The following TCERG1L variants were observed in gnomAD, a reference collection of about 807,000 sequenced individuals.
The protein encoded by TCERG1L is transcription elongation regulator 1 like.
Under a neutral mutation model 56.3 loss-of-function variants are expected in TCERG1L, and 37 were observed. The ratio of observed to expected loss-of-function variants is 0.66; its 90% CI spans 0.51 to 0.87. The LOEUF is 0.87. Ranked by LOEUF, TCERG1L falls within the 40% of genes least tolerant of loss-of-function variation. The probability of loss-of-function intolerance (pLI) is 0.00; values close to 1 mark genes in which losing one functional copy is unlikely to be tolerated. For synonymous variants in TCERG1L, 324 were observed against 326.3 expected (o/e 0.99, Z 0.08); for missense variants, 799 against 774.2 (o/e 1.03, Z -0.38).
At chr10:131,232,132 C>T (rs944497562) in intron 4 of TCERG1L, among the ~76,000 whole-genome samples, 5 of 152,362 alleles carry the variant, frequency 3.3e-5, no homozygotes, top group South Asian at 2.1e-4. Context: ...TTAGCCAAGG[C>T]GATTCACTGG....
intron 3 of TCERG1L, among the ~76,000 whole-genome samples, chr10:131,305,047 C>A (rs1846805665): frequency 6.6e-6 from 1 of 152,146 alleles, no homozygotes; most frequent in Non-Finnish European, 1.5e-5. Flanking sequence ...ATTTGGAATT[C>A]ATTCGACTCT....
chr10:131,104,786 G>GT, intron 9 of TCERG1L, among the ~76,000 whole-genome samples: 1 of 152,244 alleles, frequency 6.6e-6, no homozygotes, highest in East Asian at 1.9e-4. Flanking sequence ...CTTTTAGGTA[G>GT]GTCATTTTAA....
chr10:131,200,496 C>T (rs903757361), intron 4 of TCERG1L, among the ~76,000 whole-genome samples: 5 of 152,318 alleles, frequency 3.3e-5, no homozygotes, highest in African/African-American at 1.2e-4. Flanking sequence ...CTACTCTTTC[C>T]TTCTTGCCTA....
In TCERG1L at chr10:131,117,734, G is replaced by A. The variant is rs531391571; in HGVS notation, c.1260-800C>T. Among the ~76,000 whole-genome samples, 16 of 152,316 alleles carry A rather than the reference G, an allele frequency of 1.1e-4. No individual in the cohort carries two copies. The East Asian group carries it at 1.2e-3, about 11-fold the overall frequency. On this transcript the variant is annotated intron_variant, in intron 8 of 11. Transcript: ENST00000368642. Reference sequence around the variant, plus strand: ...CAGGGAGGCTGGACCCTACTCCTACGGAAGAAATGCTAGAGGCCTGCCTTT... The same window carrying A: ...CAGGGAGGCTGGACCCTACTCCTACAGAAGAAATGCTAGAGGCCTGCCTTT...
chr10:131,259,776 G>A (rs1846213944), intron 4 of TCERG1L, among the ~76,000 whole-genome samples: 1 of 152,226 alleles, frequency 6.6e-6, no homozygotes, highest in African/African-American at 2.4e-5. Flanking sequence ...CACAGTGGGT[G>A]GGACCCCAGC....
intron 3 of TCERG1L, among the ~76,000 whole-genome samples, chr10:131,293,407 A>G (rs372128597): frequency 3.3e-5 from 5 of 152,238 alleles, no homozygotes; most frequent in African/African-American, 1.2e-4. Flanking sequence ...AAAACCGCCT[A>G]AATCCAAAGG....
chr10:131,093,112 C>G lies in TCERG1L; in HGVS notation c.*50G>C, dbSNP rs758420083. Reference sequence around the variant, plus strand: ...CCGTCTCCACCGTGACCCCCTCGCCCCCGGCACGCCCAGGGTCAACCCCCG... The same window carrying G: ...CCGTCTCCACCGTGACCCCCTCGCCGCCGGCACGCCCAGGGTCAACCCCCG... On this transcript the variant is annotated 3_prime_UTR_variant, in exon 12 of 12. Coordinates refer to ENST00000368642, the MANE Select transcript of TCERG1L (RefSeq NM_174937.4). The G allele has an allele frequency of 7.5e-6, 12 of 1,589,796 alleles. No individual in the cohort carries two copies. The highest frequency in any genetic ancestry group is 9.4e-6 in the Non-Finnish European group (11 of 1,167,808).
At chr10:131,183,080 C>A (rs56037719) in intron 4 of TCERG1L, among the ~76,000 whole-genome samples, 1 of 152,154 alleles carries the variant, frequency 6.6e-6, no homozygotes, top group African/African-American at 2.4e-5. Flanking sequence ...AGAATAATTC[C>A]TCTGCCAAGG....
At chr10:131,121,939 A>T (rs1845518750) in intron 8 of TCERG1L, among the ~76,000 whole-genome samples, 1 of 152,172 alleles carries the variant, frequency 6.6e-6, no homozygotes. Flanking sequence ...GTCCCCGCTG[A>T]CAGACAGTCT....
In TCERG1L at chr10:131,260,477, G is replaced by A. The variant is rs772207033; in HGVS notation, c.671-33C>T. The A allele has an allele frequency of 2.7e-5, 37 of 1,366,396 alleles. No homozygotes were observed. The highest frequency in any genetic ancestry group is 3.2e-5 in the Non-Finnish European group (34 of 1,056,120). The allele number at this position is 1,366,396 out of a possible 1,614,324, so 84.6% of individuals were successfully genotyped here. Reference sequence around the variant, plus strand: ...AGAGGGATGCAGAGGGTCAGCAAGGGGACGACCAGGGCCATGGGTGACAGA... The same window carrying A: ...AGAGGGATGCAGAGGGTCAGCAAGGAGACGACCAGGGCCATGGGTGACAGA... On this transcript the variant is annotated intron_variant, in intron 3 of 11. Transcript: ENST00000368642. The surrounding 1 kb of genome is among the most constrained non-coding windows in gnomAD (Gnocchi z 5.8).
At chr10:131,098,793 T>C (rs1205348505) in intron 10 of TCERG1L, among the ~76,000 whole-genome samples, 1 of 152,204 alleles carries the variant, frequency 6.6e-6, no homozygotes, top group Non-Finnish European at 1.5e-5. Context: ...CACTGTGCCC[T>C]CTGAGCAGCA....
chr10:131,214,761 G>A (rs78637087), intron 4 of TCERG1L, among the ~76,000 whole-genome samples: 2,446 of 152,310 alleles, frequency 0.016, 66 homozygotes, highest in African/African-American at 0.055. Context: ...CTCCACAGAC[G>A]CCCAGCTGGG....
intron 4 of TCERG1L, among the ~76,000 whole-genome samples, chr10:131,185,977 G>C (rs1364484105): frequency 6.6e-6 from 1 of 152,226 alleles, no homozygotes; most frequent in Admixed American, 6.5e-5. Context: ...CAATGGATGG[G>C]TGAATAAGCA....
intron 3 of TCERG1L, among the ~76,000 whole-genome samples, chr10:131,290,539 G>A (rs766109373): frequency 3.5e-4 from 53 of 150,748 alleles, no homozygotes; most frequent in Non-Finnish European, 6.2e-4. Flanking sequence ...GCTGAGACAG[G>A]AGAATTGCTT....
At chr10:131,202,333 A>G (rs1443624796) in intron 4 of TCERG1L, among the ~76,000 whole-genome samples, 2 of 152,148 alleles carry the variant, frequency 1.3e-5, no homozygotes, top group Non-Finnish European at 2.9e-5. Flanking sequence ...TGTAATCCCA[A>G]CACTTTGGGA....
rs750559531 is a variant in TCERG1L at position 131,111,105 on chromosome 10, C to G, written c.1395+5694G>C. ...GAGTCCTGAACTGGAGGATAAAGCC[C>G]CAGCCTTGAGAGGGCCTCAGATCAG... On this transcript the variant is annotated intron_variant, in intron 9 of 11. Transcript: ENST00000368642. Among the ~76,000 whole-genome samples the G allele has an allele frequency of 1.4e-5, 2 of 143,676 alleles. 1 individual carries two copies. Among genetic ancestry groups the G allele is most frequent in the Non-Finnish European group, 3.1e-5 (2 of 63,634 alleles). The allele number at this position is 143,676 out of a possible 152,430, so 94.3% of individuals were successfully genotyped here.
At chr10:131,198,738 T>C (rs1845393777) in intron 4 of TCERG1L, among the ~76,000 whole-genome samples, 1 of 152,088 alleles carries the variant, frequency 6.6e-6, no homozygotes, top group Admixed American at 6.5e-5. Context: ...ATGTATCCAC[T>C]AGGCATTACT....
At position 131,257,886 on chromosome 10, in the gene TCERG1L, C is replaced by T. The variant is rs190999838; in HGVS notation, c.856+2373G>A. On this transcript the variant is annotated intron_variant, in intron 4 of 11. Transcript: ENST00000368642. ...CCAGAATGTAAGTAAAACAGTCAAG[C>T]TCATTTATATAAAGTGGGACTTATC... is the stretch of plus-strand genomic sequence containing the variant. Among the ~76,000 whole-genome samples the T allele has an allele frequency of 2.6e-5, 4 of 152,316 alleles. No homozygotes were observed. The East Asian group carries it at 7.7e-4, about 29-fold the overall frequency.
intron 2 of TCERG1L, 76 bp from the exon 3 acceptor site, chr10:131,308,467 T>A: frequency 7.9e-7 from 1 of 1,272,566 alleles, no homozygotes; most frequent in Non-Finnish European, 1.1e-6. Flanking sequence ...TGAAAATATT[T>A]GTGTTGCCTT....
Sources: allele counts gnomAD v4.1 joint callset (sites outside exome capture counted in the v4.1 genomes callset), GRCh38; gene constraint gnomAD v4.1.1; non-coding constraint Gnocchi (gnomAD v3.1); transcripts MANE v1.5; gene names NCBI Gene and HGNC (gene_info 2026-07-23, HGNC 2026-07-21).